The following RBFOX1 variants were observed in gnomAD, a reference collection of about 807,000 sequenced individuals.
RBFOX1 encodes RNA binding protein fox-1 homolog 1.
A neutral mutation model predicts 57.7 loss-of-function variants in RBFOX1; 8 were observed. The ratio of observed to expected loss-of-function variants is 0.14; its 90% CI spans 0.08 to 0.25. RBFOX1 has a LOEUF of 0.25. Among genes scored for constraint, RBFOX1 ranks in the 10% least tolerant of loss-of-function variants. RBFOX1 has a pLI of 1.00. For missense variants in RBFOX1, 611 were observed against 548.5 expected, an observed-to-expected ratio of 1.11 and a Z score of -1.14; for synonymous variants, 326 against 222.4, an observed-to-expected ratio of 1.47 and a Z score of -4.15.
intron 1 of RBFOX1, among the ~76,000 whole-genome samples, chr16:5,377,099 G>A (rs932447870): frequency 1.5e-4 from 22 of 151,652 alleles, no homozygotes; most frequent in Non-Finnish European, 1.9e-4. Flanking sequence ...AAGTGTGTGG[G>A]AGTCATTGGC....
At chr16:6,832,091 A>G (rs2092747972) in intron 3 of RBFOX1, among the ~76,000 whole-genome samples, 1 of 152,218 alleles carries the variant, frequency 6.6e-6, no homozygotes, top group Non-Finnish European at 1.5e-5. Context: ...ACAAAACTGA[A>G]TGCTATTTAT....
At chr16:5,425,000 T>TTTC (rs2067501927) in intron 1 of RBFOX1, among the ~76,000 whole-genome samples, 1 of 140,188 alleles carries the variant, frequency 7.1e-6, no homozygotes, top group African/African-American at 2.6e-5. Flanking sequence ...TTTCTTTTCT[T>TTTC]TTCTTTTCTT....
chr16:5,817,991 G>T (rs1461999240), intron 3 of RBFOX1, among the ~76,000 whole-genome samples: 1 of 152,148 alleles, frequency 6.6e-6, no homozygotes, highest in African/African-American at 2.4e-5. Flanking sequence ...CGCCTGGCCA[G>T]GTCTTGTGGG....
intron 2 of RBFOX1, among the ~76,000 whole-genome samples, chr16:6,544,870 G>A (rs9922965): frequency 0.11 from 16,373 of 152,212 alleles, 1,600 homozygotes; most frequent in East Asian, 0.38. Flanking sequence ...GTTGGAATCC[G>A]TTACCTTTGC....
intron 4 of RBFOX1, among the ~76,000 whole-genome samples, chr16:7,259,370 T>C (rs1011844200): frequency 6.6e-6 from 1 of 152,134 alleles, no homozygotes; most frequent in African/African-American, 2.4e-5. Context: ...TTCCAGTCGT[T>C]CAGCACACAT....
intron 6 of RBFOX1, among the ~76,000 whole-genome samples, chr16:7,584,102 A>G (rs1406542068): frequency 6.6e-6 from 1 of 152,190 alleles, no homozygotes; most frequent in Non-Finnish European, 1.5e-5. Flanking sequence ...GCTGACACTA[A>G]GAAAAACTGG....
intron 4 of RBFOX1, among the ~76,000 whole-genome samples, chr16:7,062,317 C>CAAAAAAAAA (rs57989614): frequency 3.1e-5 from 2 of 65,318 alleles, no homozygotes; most frequent in African/African-American, 6.1e-5. Context: ...GACTCCATCT[C>CAAAAAAAAA]AAAAAAAAAA....
intron 4 of RBFOX1, among the ~76,000 whole-genome samples, chr16:7,212,643 G>A (rs867178997): frequency 6.6e-6 from 1 of 151,026 alleles, no homozygotes; most frequent in East Asian, 2.0e-4. Flanking sequence ...GAAAAAAAAC[G>A]AGAAAATAGC....
At chr16:5,303,685 G>C (rs1416168415) in intron 1 of RBFOX1, among the ~76,000 whole-genome samples, 1 of 151,610 alleles carries the variant, frequency 6.6e-6, no homozygotes, top group Non-Finnish European at 1.5e-5. Context: ...TATAGGTGTT[G>C]AATTATTGTT....
chr16:5,666,163 C>A lies in RBFOX1; in HGVS notation c.318+67202C>A, dbSNP rs147249442. On this transcript the variant is annotated intron_variant, in intron 3 of 19. Transcript: ENST00000641259. ...CTTTACAAGCCACATTTGGGCACATCCATCATGGATACGGAGGCAGCTGGG... is the reference window on the plus strand; with the variant it reads ...CTTTACAAGCCACATTTGGGCACATACATCATGGATACGGAGGCAGCTGGG... Among the ~76,000 whole-genome samples the A allele has an allele frequency of 4.0e-3, 606 of 152,348 alleles. 6 individuals are homozygous for A. The highest frequency in any genetic ancestry group is 0.013 in the African/African-American group (559 of 41,588).
At chr16:6,633,524 C>A (rs1318151922) in intron 2 of RBFOX1, among the ~76,000 whole-genome samples, 3 of 152,096 alleles carry the variant, frequency 2.0e-5, no homozygotes, top group South Asian at 2.1e-4. Flanking sequence ...GAATACCTGG[C>A]CTCAAGTGAT....
At chr16:7,537,480 T>A (rs1893425849) in intron 5 of RBFOX1, among the ~76,000 whole-genome samples, 1 of 152,182 alleles carries the variant, frequency 6.6e-6, no homozygotes, top group African/African-American at 2.4e-5. Context: ...CAAGTCTGAC[T>A]TAGTAATATG....
intron 9 of RBFOX1, among the ~76,000 whole-genome samples, chr16:7,603,809 A>T (rs1236508189): frequency 6.6e-6 from 1 of 152,144 alleles, no homozygotes; most frequent in African/African-American, 2.4e-5. Context: ...CTAAGGTAAG[A>T]CATGTGTGCT....
At chr16:7,370,186 G>A (rs1465386554) in intron 4 of RBFOX1, among the ~76,000 whole-genome samples, 1 of 152,120 alleles carries the variant, frequency 6.6e-6, no homozygotes, top group Non-Finnish European at 1.5e-5. Context: ...CCCTCATTAT[G>A]ACAACCAAAC....
intron 2 of RBFOX1, among the ~76,000 whole-genome samples, chr16:6,631,560 G>GA (rs375726578): frequency 7.9e-5 from 12 of 151,850 alleles, no homozygotes; most frequent in African/African-American, 2.9e-4. Flanking sequence ...ATACAGCATG[G>GA]AAAAAAGACA....
At chr16:6,988,095 A>C (rs991101851) in intron 3 of RBFOX1, among the ~76,000 whole-genome samples, 4 of 151,696 alleles carry the variant, frequency 2.6e-5, no homozygotes, top group Non-Finnish European at 4.4e-5. Flanking sequence ...CCAAGAATCA[A>C]ATGTGGATCC....
At chr16:6,483,943 A>T in intron 2 of RBFOX1, 2 of 1,057,010 alleles carry the variant, frequency 1.9e-6, no homozygotes, top group South Asian at 3.3e-5. Context: ...AGCTCCGGGG[A>T]CCTCGGAGAC....
At chr16:6,342,330 G>T (rs1599833701) in intron 2 of RBFOX1, among the ~76,000 whole-genome samples, 1 of 152,232 alleles carries the variant, frequency 6.6e-6, no homozygotes. Context: ...TATTAAACAG[G>T]GAGAATTGAC....
At chr16:6,475,941 T>C (rs1427356106) in intron 2 of RBFOX1, among the ~76,000 whole-genome samples, 1 of 152,212 alleles carries the variant, frequency 6.6e-6, no homozygotes. Context: ...TTAACGTCTT[T>C]TTTTCCCCCT....
Sources: gnomAD v4.1 joint callset for allele counts (sites outside exome capture counted in the v4.1 genomes callset) on GRCh38, gnomAD v4.1.1 for gene constraint, MANE v1.5 for transcripts, NCBI Gene and HGNC (gene_info 2026-07-23, HGNC 2026-07-21) for gene names.